FGD6: variants seen among roughly 807,000 people sequenced by gnomAD.
FGD6 encodes FYVE, RhoGEF and PH domain containing 6, also known as FYVE, RhoGEF and PH domain-containing protein 6.
Under a neutral mutation model 149.4 loss-of-function variants are expected in FGD6, and 90 were observed. That is an observed-to-expected ratio of 0.60 (90% confidence interval 0.51 to 0.72). The LOEUF is 0.72. Among genes scored for constraint, FGD6 ranks in the 30% least tolerant of loss-of-function variants. The pLI is 0.00. For missense variants in FGD6, 1,437 were observed against 1,684.8 expected (o/e 0.85, Z 2.57); for synonymous variants, 527 against 584.0 (o/e 0.90, Z 1.41).
chr12:95,193,527 CTTGT>C (rs1474684553), intron 2 of FGD6, among the ~76,000 whole-genome samples: 1 of 138,866 alleles, frequency 7.2e-6, no homozygotes, highest in African/African-American at 2.8e-5. Flanking sequence ...CTGGTTAATT[CTTGT>C]TTTTTTTTTT....
At chr12:95,193,338 C>T (rs1484384003) in intron 2 of FGD6, among the ~76,000 whole-genome samples, 2 of 151,752 alleles carry the variant, frequency 1.3e-5, no homozygotes, top group African/African-American at 4.8e-5. Flanking sequence ...ACTTGGATGG[C>T]TCTACAGAAA....
At chr12:95,117,616 G>A (rs145545737) in intron 8 of FGD6, among the ~76,000 whole-genome samples, 3 of 152,176 alleles carry the variant, frequency 2.0e-5, no homozygotes, top group South Asian at 2.1e-4. Flanking sequence ...TTGTAGAGAC[G>A]ATGTCTCACT....
At chr12:95,190,437 T>C (rs1180477976) in intron 2 of FGD6, among the ~76,000 whole-genome samples, 2 of 152,194 alleles carry the variant, frequency 1.3e-5, no homozygotes, top group African/African-American at 4.8e-5. Context: ...CCCAAAGTGC[T>C]GGGATTATAG....
At chr12:95,171,762 C>T (rs534282900) in intron 3 of FGD6, among the ~76,000 whole-genome samples, 3 of 151,962 alleles carry the variant, frequency 2.0e-5, no homozygotes, top group Non-Finnish European at 1.5e-5. Context: ...TGATCCACCC[C>T]CCTCGGTCTC....
rs755000020 is a variant in FGD6, at chr12:95,081,462, C to T, written c.*58G>A. The T allele has an allele frequency of 6.8e-7, 1 of 1,462,222 alleles. No homozygotes were observed. 90.6% of individuals were successfully genotyped at this position (1,462,222 alleles called of 1,614,324 possible). ...TTATACAATTTTTGAATTGCATTTA[C>T]TCCATTCTGATGAAATTCCACCTCT... On this transcript the variant is annotated 3_prime_UTR_variant, in exon 21 of 21. Transcript: ENST00000343958.
rs1351760467 is a variant in FGD6 at position 95,126,168 on chromosome 12, A to G, written c.3082+8571T>C. 5 of 1,068,700 alleles carry G rather than the reference A, an allele frequency of 4.7e-6. No individual in the cohort carries two copies. The African/African-American group carries it at 7.9e-5, about 17-fold the overall frequency. 66.2% of individuals were successfully genotyped at this position (1,068,700 alleles called of 1,614,324 possible). On this transcript the variant is annotated intron_variant, in intron 8 of 20. Transcript: ENST00000343958. ...CAAGCTTCAAAAGGAAGCTCTCCTG[A>G]AAGCTTCTCTCAAAAAAGCACCTGT... is the stretch of plus-strand genomic sequence containing the variant.
intron 17 of FGD6, 83 bp downstream of exon 17, chr12:95,091,624 C>A: frequency 1.2e-6 from 1 of 804,676 alleles, no homozygotes; most frequent in Non-Finnish European, 2.0e-6. Context: ...TGCTAATGTA[C>A]CGAAGGTGTT....
chr12:95,120,555 G>A (rs1412781283), intron 8 of FGD6, among the ~76,000 whole-genome samples: 1 of 151,604 alleles, frequency 6.6e-6, no homozygotes, highest in African/African-American at 2.4e-5. Context: ...GCATGGTGGT[G>A]TGCGCCTATA....
In FGD6 at chr12:95,081,445, T is replaced by C; in HGVS notation, c.*75A>G. The stretch of plus-strand genomic sequence containing the variant: ...CTTGGCAGTGTTCATTTTTATACAA[T>C]TTTTGAATTGCATTTACTCCATTCT... On this transcript the variant is annotated 3_prime_UTR_variant, in exon 21 of 21. Coordinates refer to ENST00000343958, the MANE Select transcript of FGD6 (RefSeq NM_018351.4). 1 of 1,310,966 alleles carries C rather than the reference T, an allele frequency of 7.6e-7. No homozygotes were observed. Among genetic ancestry groups the C allele is most frequent in the Non-Finnish European group, 1.0e-6 (1 of 967,408 alleles). 81.2% of individuals were successfully genotyped at this position (1,310,966 alleles called of 1,614,324 possible).
intron 3 of FGD6, among the ~76,000 whole-genome samples, chr12:95,169,875 C>G (rs1052516246): frequency 2.0e-5 from 3 of 152,118 alleles, no homozygotes; most frequent in Non-Finnish European, 4.4e-5. Flanking sequence ...AATCCCAGCA[C>G]TTTGGGAGGC....
intron 2 of FGD6, among the ~76,000 whole-genome samples, chr12:95,184,100 C>T (rs560085679): frequency 4.6e-5 from 7 of 152,246 alleles, no homozygotes; most frequent in African/African-American, 9.6e-5. Context: ...TTACAGAATG[C>T]TAAATGTTAC....
chr12:95,093,526 C>T (rs576183909), intron 15 of FGD6, among the ~76,000 whole-genome samples: 14 of 151,548 alleles, frequency 9.2e-5, no homozygotes, highest in African/African-American at 2.2e-4. Context: ...CTAAAAATAA[C>T]GACAATTAGC....
chr12:95,124,717 C>A (rs1245218452), intron 8 of FGD6, among the ~76,000 whole-genome samples: 1 of 152,194 alleles, frequency 6.6e-6, no homozygotes, highest in African/African-American at 2.4e-5. Context: ...AAGAGGCACA[C>A]AAACAAACCC....
intron 17 of FGD6, among the ~76,000 whole-genome samples, chr12:95,090,840 G>A (rs954675438): frequency 6.6e-6 from 1 of 152,176 alleles, no homozygotes; most frequent in East Asian, 1.9e-4. Flanking sequence ...CCTTATGCCT[G>A]TAATCCCAGC....
chr12:95,189,912 A>C (rs1881541322), intron 2 of FGD6, among the ~76,000 whole-genome samples: 2 of 152,192 alleles, frequency 1.3e-5, no homozygotes, highest in South Asian at 2.1e-4. Flanking sequence ...TTCACCTTTC[A>C]GATCTTTAAT....
At chr12:95,138,157 T>C (rs1014924742) in intron 6 of FGD6, among the ~76,000 whole-genome samples, 6 of 151,876 alleles carry the variant, frequency 4.0e-5, no homozygotes, top group South Asian at 2.1e-4. Context: ...TGAGCCGAGA[T>C]TGTGCCACTG....
chr12:95,124,036 C>T (rs1177244755), intron 8 of FGD6, among the ~76,000 whole-genome samples: 1 of 151,838 alleles, frequency 6.6e-6, no homozygotes, highest in Non-Finnish European at 1.5e-5. Flanking sequence ...GTCTCAGCCT[C>T]CTGAGTACCT....
chr12:95,107,417 A>C (rs1380587315), intron 12 of FGD6, 146 bp downstream of exon 12: 1 of 642,330 alleles, frequency 1.6e-6, no homozygotes, highest in Non-Finnish European at 2.6e-6. Flanking sequence ...CCATACTTGA[A>C]ATGCAATTAA....
At chr12:95,171,804 C>T (rs1353292051) in intron 3 of FGD6, among the ~76,000 whole-genome samples, 3 of 152,040 alleles carry the variant, frequency 2.0e-5, no homozygotes, top group South Asian at 2.1e-4. Flanking sequence ...TGTGAACCAC[C>T]GTGCCCAGCC....
Sources: gnomAD v4.1 joint callset for allele counts (sites outside exome capture counted in the v4.1 genomes callset) on GRCh38, gnomAD v4.1.1 for gene constraint, MANE v1.5 for transcripts, NCBI Gene and HGNC (gene_info 2026-07-23, HGNC 2026-07-21) for gene names.